Variants in ACOT1 observed in about 807,000 individuals in gnomAD.
ACOT1 encodes acyl-coenzyme A thioesterase 1.
ACOT1 carries 8 observed loss-of-function variants against 15.7 expected under a neutral mutation model. That is an observed-to-expected ratio of 0.51 (90% confidence interval 0.30 to 0.92). The LOEUF (loss-of-function observed/expected upper bound fraction) is 0.92, where lower values mean the gene tolerates loss of function less well. Ranked by LOEUF, ACOT1 falls within the 40% of genes least tolerant of loss-of-function variation. The probability of loss-of-function intolerance (pLI) is 0.06; values close to 1 mark genes in which losing one functional copy is unlikely to be tolerated. For missense variants in ACOT1, 151 were observed against 539.4 expected (o/e 0.28, Z 7.13); for synonymous variants, 67 against 241.2 (o/e 0.28, Z 6.69).
the ACOT1 span, chr14:73,500,717 G>C: frequency 6.2e-7 from 1 of 1,613,402 alleles, no homozygotes; most frequent in Admixed American, 1.7e-5. Context: ...GAATTTCCTT[G>C]ACCTAGCTTG....
chr14:73,523,654 G>A, the ACOT1 span, among the ~76,000 whole-genome samples: 1 of 152,158 alleles, frequency 6.6e-6, no homozygotes, highest in African/African-American at 2.4e-5. Context: ...TCTCCTGGCT[G>A]TTCTCTGAGT....
chr14:73,529,436 T>TAGAA, the ACOT1 span, among the ~76,000 whole-genome samples: 1 of 151,730 alleles, frequency 6.6e-6, no homozygotes, highest in African/African-American at 2.4e-5. Flanking sequence ...CCACCAGCAT[T>TAGAA]ATCTGCATTT....
At chr14:73,506,421 A>G in the ACOT1 span, 4 of 1,410,214 alleles carry the variant, frequency 2.8e-6, no homozygotes, top group East Asian at 4.6e-5. Context: ...TCTGTAGCTC[A>G]GCCTCTCTTA....
At chr14:73,492,354 A>G in the ACOT1 span, 3 of 1,613,800 alleles carry the variant, frequency 1.9e-6, no homozygotes, top group Admixed American at 1.7e-5. The surrounding 1 kb of genome is among the most constrained non-coding windows in gnomAD (Gnocchi z 4.9). Flanking sequence ...GCAATGGAAG[A>G]AAATGTGGAG....
At chr14:73,493,032 T>G in the ACOT1 span, 1 of 1,600,750 alleles carries the variant, frequency 6.2e-7, no homozygotes. Context: ...ACTCACGTTC[T>G]TACCTTGATA....
At chr14:73,511,210 G>A in the ACOT1 span, among the ~76,000 whole-genome samples, 1 of 152,034 alleles carries the variant, frequency 6.6e-6, no homozygotes, top group Admixed American at 6.6e-5. Flanking sequence ...AGCTAAGCCC[G>A]TGAATCATAT....
chr14:73,492,126 C>G, the ACOT1 span: 2 of 1,613,966 alleles, frequency 1.2e-6, no homozygotes, highest in Non-Finnish European at 1.7e-6. This position sits in a 1 kb window ranked among gnomAD's most constrained non-coding sequence, Gnocchi z 4.9. Context: ...GAGGAACTGG[C>G]TCTGACATCC....
the ACOT1 span, among the ~76,000 whole-genome samples, chr14:73,512,812 C>T: frequency 2.0e-5 from 3 of 152,034 alleles, no homozygotes; most frequent in East Asian, 1.9e-4. Flanking sequence ...TAGGTGTTTC[C>T]TTCAGTCTTT....
At chr14:73,537,935 CTGTGTG>C in intron 1 of ACOT1, 57 bp downstream of exon 1, 2 of 1,094,342 alleles carry the variant, frequency 1.8e-6, no homozygotes, top group South Asian at 1.8e-5. Flanking sequence ...GCGCTTTCCA[CTGTGTG>C]TGTGTGTGTG....
the ACOT1 span, chr14:73,508,281 A>G: frequency 4.3e-6 from 7 of 1,613,746 alleles, no homozygotes; most frequent in East Asian, 6.7e-5. Context: ...CAGCCCAGCT[A>G]TCCACACTGT....
the ACOT1 span, among the ~76,000 whole-genome samples, chr14:73,531,459 C>T: frequency 6.2e-5 from 6 of 96,686 alleles, 2 homozygotes; most frequent in South Asian, 3.5e-4. Context: ...CTCACTCTGT[C>T]GCCCAGGCTG....
chr14:73,491,597 C>G, the ACOT1 span: 1 of 1,546,506 alleles, frequency 6.5e-7, no homozygotes, highest in Non-Finnish European at 8.7e-7. Context: ...CGAGCTGAAC[C>G]GCATCCCCAG....
chr14:73,506,484 T>G, the ACOT1 span: 1 of 1,613,622 alleles, frequency 6.2e-7, no homozygotes, highest in East Asian at 2.2e-5. Flanking sequence ...ACATTTCCAC[T>G]GATCCGGGAG....
chr14:73,498,834 A>G, the ACOT1 span, among the ~76,000 whole-genome samples: 1 of 152,258 alleles, frequency 6.6e-6, no homozygotes, highest in Non-Finnish European at 1.5e-5. Context: ...TTCTGTTGGC[A>G]GGGACTGTCT....
At chr14:73,506,779 G>A in the ACOT1 span, among the ~76,000 whole-genome samples, 2 of 137,542 alleles carry the variant, frequency 1.5e-5, no homozygotes, top group African/African-American at 2.7e-5. Context: ...CAGAAAACTG[G>A]GACCTTCCTT....
At chr14:73,521,173 T>C in the ACOT1 span, 87 of 757,276 alleles carry the variant, frequency 1.1e-4, 1 homozygote, top group African/African-American at 1.4e-3. Flanking sequence ...AGAACACCAA[T>C]GTTTAACTTT....
the ACOT1 span, among the ~76,000 whole-genome samples, chr14:73,508,751 CAAAAAA>C: frequency 8.6e-5 from 5 of 57,882 alleles, no homozygotes; most frequent in Non-Finnish European, 1.3e-4. Flanking sequence ...AACTCTGTCT[CAAAAAA>C]AAAAAAAAAA....
the ACOT1 span, among the ~76,000 whole-genome samples, chr14:73,512,962 G>C: frequency 6.6e-6 from 1 of 152,144 alleles, no homozygotes; most frequent in African/African-American, 2.4e-5. Context: ...TCCTTGCCAG[G>C]CCATTACTTT....
the ACOT1 span, among the ~76,000 whole-genome samples, chr14:73,494,936 G>GT: frequency 7.1e-3 from 1,078 of 152,074 alleles, 6 homozygotes; most frequent in Non-Finnish European, 0.012. Context: ...TGGTAGTATT[G>GT]TTTTATAAAG....
Sources: gnomAD v4.1 joint callset for allele counts (sites outside exome capture counted in the v4.1 genomes callset) on GRCh38, gnomAD v4.1.1 for gene constraint, Gnocchi (gnomAD v3.1) non-coding constraint, MANE v1.5 for transcripts, NCBI Gene and HGNC (gene_info 2026-07-23, HGNC 2026-07-21) for gene names.